Variants in BFSP2 observed in about 807,000 individuals in gnomAD.
The protein encoded by BFSP2 is phakinin.
BFSP2 carries 38 observed loss-of-function variants against 44.9 expected under a neutral mutation model. The ratio of observed to expected loss-of-function variants is 0.85; its 90% confidence interval spans 0.65 to 1.11. The LOEUF is 1.11. BFSP2 is among the 50% of genes least tolerant of loss of function. BFSP2 has a pLI of 0.00. For synonymous variants in BFSP2, 197 were observed against 209.9 expected (o/e 0.94, Z 0.53); for missense variants, 525 against 533.0 (o/e 0.99, Z 0.15).
chr3:133,404,575 G>A (rs568344618), intron 1 of BFSP2, among the ~76,000 whole-genome samples: 1 of 152,310 alleles, frequency 6.6e-6, no homozygotes, highest in Admixed American at 6.5e-5. Flanking sequence ...CATGGAGCGA[G>A]GCCTCTGGAT....
intron 1 of BFSP2, among the ~76,000 whole-genome samples, chr3:133,424,145 G>C (rs546161780): frequency 6.6e-6 from 1 of 150,736 alleles, no homozygotes; most frequent in Non-Finnish European, 1.5e-5. Flanking sequence ...TCCGCCGCCC[G>C]GGTTCAAGCG....
intron 1 of BFSP2, among the ~76,000 whole-genome samples, chr3:133,416,105 A>C (rs1322342279): frequency 9.8e-6 from 1 of 101,820 alleles, no homozygotes; most frequent in Non-Finnish European, 1.9e-5. Context: ...GCTATGTCCC[A>C]TCTACTCACC....
intron 1 of BFSP2, among the ~76,000 whole-genome samples, chr3:133,418,383 G>T (rs2073564297): frequency 6.6e-6 from 1 of 152,190 alleles, no homozygotes; most frequent in Admixed American, 6.5e-5. Flanking sequence ...TCTGCGCAAT[G>T]AAGATGAAAC....
Position 133,470,069 on chromosome 3 carries a change from G to A in BFSP2, c.1024-2276G>A, listed in dbSNP as rs2074147788. Among the ~76,000 whole-genome samples, 5 of 152,206 alleles carry A rather than the reference G, an allele frequency of 3.3e-5. No homozygotes were observed. In the South Asian group the frequency reaches 1.0e-3, roughly 31 times the overall value. On this transcript the variant is annotated intron_variant, in intron 5 of 6. Transcript: ENST00000302334. ...ACCCAGGGAGGTTGGAACAAATGAT[G>A]CTCAAAGTCAAGGTGGCCATTTCTG...
chr3:133,401,566 G>C (rs1010127253), intron 1 of BFSP2, among the ~76,000 whole-genome samples: 2 of 152,084 alleles, frequency 1.3e-5, no homozygotes, highest in Non-Finnish European at 2.9e-5. Flanking sequence ...CATCATGTCT[G>C]GCCTGCAGCC....
At chr3:133,433,222 T>C (rs531158578) in intron 1 of BFSP2, among the ~76,000 whole-genome samples, 1 of 152,260 alleles carries the variant, frequency 6.6e-6, no homozygotes, top group African/African-American at 2.4e-5. Flanking sequence ...CATTTCCCCA[T>C]ATTTGCTTCT....
intron 1 of BFSP2, among the ~76,000 whole-genome samples, chr3:133,430,195 G>T (rs954220665): frequency 1.3e-5 from 2 of 152,028 alleles, no homozygotes; most frequent in African/African-American, 2.4e-5. Context: ...TTGCTATTGT[G>T]AATAGTGCCG....
At chr3:133,443,184 G>T (rs964748047) in intron 1 of BFSP2, among the ~76,000 whole-genome samples, 1 of 152,122 alleles carries the variant, frequency 6.6e-6, no homozygotes, top group East Asian at 1.9e-4. Context: ...TTTCATTCGG[G>T]GACATGTTAA....
chr3:133,404,023 A>G (rs1197836597), intron 1 of BFSP2, among the ~76,000 whole-genome samples: 1 of 151,928 alleles, frequency 6.6e-6, no homozygotes, highest in Admixed American at 6.5e-5. Flanking sequence ...TTATATCACT[A>G]TGTAAGTTTG....
At chr3:133,431,511 C>T (rs1444662558) in intron 1 of BFSP2, among the ~76,000 whole-genome samples, 2 of 152,178 alleles carry the variant, frequency 1.3e-5, no homozygotes, top group Non-Finnish European at 2.9e-5. Flanking sequence ...GACTGTTCAA[C>T]TCACCTGGCA....
At chr3:133,419,071 T>C (rs2107892503) in intron 1 of BFSP2, among the ~76,000 whole-genome samples, 1 of 152,248 alleles carries the variant, frequency 6.6e-6, no homozygotes, top group South Asian at 2.1e-4. Context: ...CTGAGGCCTC[T>C]CTCCTTGGCT....
intron 5 of BFSP2, among the ~76,000 whole-genome samples, chr3:133,468,570 C>T (rs951249557): frequency 1.3e-5 from 2 of 152,194 alleles, no homozygotes; most frequent in African/African-American, 2.4e-5. Flanking sequence ...TGTGACCACT[C>T]CGTGTAGCTA....
Position 133,423,703 on chromosome 3 carries a change from A to AG in BFSP2, c.489+23135dup, listed in dbSNP as rs948318277. ...AGATTTGCCAGAGCCCCTTTGAGAT[A>AG]GGGGTGTCCCGGGCTACCGCCTCTG... is the stretch of plus-strand genomic sequence containing the variant. On this transcript the variant is annotated intron_variant, in intron 1 of 6. Coordinates refer to ENST00000302334, the MANE Select transcript of BFSP2 (RefSeq NM_003571.4). Among the ~76,000 whole-genome samples, 19 of 151,900 alleles carry AG rather than the reference A, an allele frequency of 1.3e-4. No individual in the cohort carries two copies. In the South Asian group the frequency reaches 2.5e-3, roughly 20 times the overall value.
At chr3:133,425,070 G>A (rs369767397) in intron 1 of BFSP2, among the ~76,000 whole-genome samples, 8 of 152,298 alleles carry the variant, frequency 5.3e-5, no homozygotes, top group Admixed American at 2.6e-4. Flanking sequence ...CCTGGGTGAC[G>A]GTGGCATGCA....
rs1553779092 is a variant in BFSP2 at position 133,425,790 on chromosome 3, G to GAAAGGGA, written c.490-21525_490-21524insAGGGAAA. Among the ~76,000 whole-genome samples, 497 of 139,912 alleles carry GAAAGGGA rather than the reference G, an allele frequency of 3.6e-3. 4 individuals are homozygous for GAAAGGGA. The highest frequency in any genetic ancestry group is 0.014 in the African/African-American group (486 of 34,534). 91.8% of individuals were successfully genotyped at this position (139,912 alleles called of 152,430 possible). ...GGGAAAGGGAAAGGGAAAGGGAAGG[G>GAAAGGGA]AAGGGAAGGGAAGAAGGGAAGGGAA... On this transcript the variant is annotated intron_variant, in intron 1 of 6. Coordinates refer to ENST00000302334, the MANE Select transcript of BFSP2 (RefSeq NM_003571.4).
chr3:133,402,125 C>T (rs1028086949), intron 1 of BFSP2, among the ~76,000 whole-genome samples: 1 of 152,202 alleles, frequency 6.6e-6, no homozygotes, highest in African/African-American at 2.4e-5. Context: ...CAGAACATCC[C>T]TAGATACTCC....
intron 1 of BFSP2, among the ~76,000 whole-genome samples, chr3:133,406,966 T>C (rs1256441952): frequency 6.6e-6 from 1 of 152,122 alleles, no homozygotes; most frequent in Non-Finnish European, 1.5e-5. Flanking sequence ...CCAAGTACAT[T>C]GTGAGGCCAA....
rs748691333 is a variant in BFSP2, at chr3:133,473,438, CAA to C, written c.1244+893_1244+894del. ...GGAAGTGGGAGAGAAGAGGCAGCAG[CAA>C]AAAAAAAAAAAAAAAAAAAGGCTTT... On this transcript the variant is annotated intron_variant, in intron 6 of 6. Coordinates refer to ENST00000302334, the MANE Select transcript of BFSP2 (RefSeq NM_003571.4). Among the ~76,000 whole-genome samples, 272 of 73,108 alleles carry C rather than the reference CAA, an allele frequency of 3.7e-3. 2 individuals are homozygous for C. Among genetic ancestry groups the C allele is most frequent in the African/African-American group, 5.1e-3 (98 of 19,238 alleles). 48.0% of individuals were successfully genotyped at this position (73,108 alleles called of 152,430 possible).
In BFSP2 at chr3:133,450,145, G is replaced by A. The variant is rs565449536; in HGVS notation, c.730-158G>A. Among the ~76,000 whole-genome samples, 4 of 152,264 alleles carry A rather than the reference G, an allele frequency of 2.6e-5. No individual in the cohort carries two copies. The South Asian group carries it at 8.3e-4, about 32-fold the overall frequency. The stretch of plus-strand genomic sequence containing the variant: ...AAAAGAGAAATTACACTTACGCTGG[G>A]AAGAAGGTCAGGGACTTTCCCAGTC... On this transcript the variant is annotated intron_variant, in intron 3 of 6. Transcript: ENST00000302334.
Sources: allele counts gnomAD v4.1 joint callset (sites outside exome capture counted in the v4.1 genomes callset), GRCh38; gene constraint gnomAD v4.1.1; transcripts MANE v1.5; gene names NCBI Gene and HGNC (gene_info 2026-07-23, HGNC 2026-07-21).